NELL2: variants seen among roughly 807,000 people sequenced by gnomAD.
The protein encoded by NELL2 is neural EGFL like 2, also known as protein kinase C-binding protein NELL2.
NELL2 carries 41 observed loss-of-function variants against 109.6 expected under a neutral mutation model. The observed-to-expected ratio is 0.37, with a 90% CI of 0.29 to 0.49. The LOEUF (loss-of-function observed/expected upper bound fraction) is 0.49. Among genes scored for constraint, NELL2 ranks in the 20% least tolerant of loss-of-function variants. The pLI is 0.98. For missense variants in NELL2, 900 were observed against 1,008.3 expected, an observed-to-expected ratio of 0.89 and a Z score of 1.45; for synonymous variants, 355 against 344.7, an observed-to-expected ratio of 1.03 and a Z score of -0.33.
intron 9 of NELL2, among the ~76,000 whole-genome samples, chr12:44,764,857 A>AG (rs1445137028): frequency 6.6e-6 from 1 of 151,254 alleles, no homozygotes; most frequent in South Asian, 2.1e-4. Flanking sequence ...AGAGAGAGAG[A>AG]GAAAAAAAAA....
intron 15 of NELL2, among the ~76,000 whole-genome samples, chr12:44,553,178 G>A (rs572170340): frequency 6.7e-6 from 1 of 148,926 alleles, no homozygotes; most frequent in Non-Finnish European, 1.5e-5. Flanking sequence ...TAGATGACAC[G>A]TTAGTGGGTG....
intron 13 of NELL2, among the ~76,000 whole-genome samples, chr12:44,620,773 ATTG>A: frequency 6.6e-6 from 1 of 151,994 alleles, no homozygotes; most frequent in Non-Finnish European, 1.5e-5. Flanking sequence ...CTCTATCCCC[ATTG>A]CTCTGCAGGT....
At chr12:44,686,843 C>T (rs1232332258) in intron 12 of NELL2, among the ~76,000 whole-genome samples, 1 of 152,224 alleles carries the variant, frequency 6.6e-6, no homozygotes, top group Non-Finnish European at 1.5e-5. Context: ...ACATTTAAGT[C>T]TGCAGAGGTT....
intron 9 of NELL2, among the ~76,000 whole-genome samples, chr12:44,742,970 G>C (rs7308509): frequency 0.42 from 63,143 of 151,926 alleles, 13,757 homozygotes; most frequent in South Asian, 0.49. Context: ...GATACTTCTT[G>C]AGAAGAGCAA....
At chr12:44,562,945 A>G (rs1047785570) in intron 15 of NELL2, among the ~76,000 whole-genome samples, 3 of 152,262 alleles carry the variant, frequency 2.0e-5, no homozygotes, top group Non-Finnish European at 4.4e-5. Context: ...GACTGGATAA[A>G]GAAAATGTGG....
At chr12:44,783,173 A>T (rs565218168) in intron 3 of NELL2, among the ~76,000 whole-genome samples, 81 of 152,056 alleles carry the variant, frequency 5.3e-4, no homozygotes, top group Admixed American at 5.0e-3. Flanking sequence ...ATTTTTAAAA[A>T]TACATAAAAT....
intron 1 of NELL2, among the ~76,000 whole-genome samples, chr12:44,911,515 A>G (rs12817079): frequency 0.074 from 11,285 of 151,986 alleles, 543 homozygotes; most frequent in Admixed American, 0.12. Flanking sequence ...AAATTAAGTA[A>G]ATGCCTGTTT....
intron 15 of NELL2, among the ~76,000 whole-genome samples, chr12:44,541,042 G>A (rs567542203): frequency 6.6e-6 from 1 of 151,384 alleles, no homozygotes; most frequent in South Asian, 2.1e-4. Flanking sequence ...TCAGGAGATC[G>A]AGACCATCCT....
intron 1 of NELL2, among the ~76,000 whole-genome samples, chr12:44,908,366 G>A (rs935302955): frequency 2.0e-5 from 3 of 151,972 alleles, no homozygotes; most frequent in African/African-American, 7.2e-5. Flanking sequence ...CAGATAGTAG[G>A]TAGGTAAAGG....
intron 2 of NELL2, among the ~76,000 whole-genome samples, chr12:44,866,606 C>A (rs1945007802): frequency 6.6e-6 from 1 of 151,000 alleles, no homozygotes; most frequent in Non-Finnish European, 1.5e-5. Flanking sequence ...CAAAGTAAGA[C>A]CAAAGGAATG....
At chr12:44,893,692 A>G (rs963594355) in intron 1 of NELL2, among the ~76,000 whole-genome samples, 1 of 152,118 alleles carries the variant, frequency 6.6e-6, no homozygotes, top group Non-Finnish European at 1.5e-5. Context: ...CCCAGTACCG[A>G]AGCAAGCATG....
At chr12:44,741,474 T>C (rs146252322) in intron 9 of NELL2, among the ~76,000 whole-genome samples, 8,158 of 152,172 alleles carry the variant, frequency 0.054, 690 homozygotes, top group African/African-American at 0.18. Context: ...GTGGGTGCAG[T>C]GCACCGGGCG....
intron 2 of NELL2, among the ~76,000 whole-genome samples, chr12:44,833,316 C>T (rs1943943204): frequency 6.6e-6 from 1 of 152,142 alleles, no homozygotes; most frequent in South Asian, 2.1e-4. Flanking sequence ...AATTTGACAT[C>T]TCATATCCCA....
In NELL2 at chr12:44,670,310, C is replaced by T. The variant is rs148463008; in HGVS notation, c.1319-4701G>A. On this transcript the variant is annotated intron_variant, in intron 12 of 19. Transcript: ENST00000429094. ...TGAAAACACAAGAAAGTATAAAACT[C>T]ACTGGTAGAGCAGATATACAAATAA... Among the ~76,000 whole-genome samples, 374 of 152,010 alleles carry T rather than the reference C, an allele frequency of 2.5e-3. 1 individual carries two copies. Among genetic ancestry groups the T allele is most frequent in the African/African-American group, 8.7e-3 (359 of 41,492 alleles).
intron 3 of NELL2, among the ~76,000 whole-genome samples, chr12:44,813,105 C>T (rs1943232383): frequency 6.6e-6 from 1 of 152,120 alleles, no homozygotes; most frequent in Non-Finnish European, 1.5e-5. Flanking sequence ...AAGTACAGAA[C>T]AATTAAGTAA....
intron 3 of NELL2, among the ~76,000 whole-genome samples, chr12:44,780,365 G>A (rs183170227): frequency 6.6e-6 from 1 of 151,978 alleles, no homozygotes; most frequent in Admixed American, 6.6e-5. Context: ...ACAAAGAAAG[G>A]ATCAGTCTAG....
chr12:44,755,888 C>T lies in NELL2; in HGVS notation c.994+18859G>A, dbSNP rs142004251. Reference sequence around the variant, plus strand: ...ATGAATCAATCTACTTTTCTCATGCCTACATCTGGGTTGTAAAAGGTTAGG... The same window carrying T: ...ATGAATCAATCTACTTTTCTCATGCTTACATCTGGGTTGTAAAAGGTTAGG... On this transcript the variant is annotated intron_variant, in intron 9 of 19. Transcript: ENST00000429094. 7.0e-4 allele frequency among the ~76,000 whole-genome samples: 106 copies of T among 152,270 alleles called. 1 individual carries two copies. Among genetic ancestry groups the T allele is most frequent in the Admixed American group, 3.7e-3 (56 of 15,280 alleles).
At chr12:44,560,375 G>T (rs934009102) in intron 15 of NELL2, among the ~76,000 whole-genome samples, 1 of 151,964 alleles carries the variant, frequency 6.6e-6, no homozygotes, top group Non-Finnish European at 1.5e-5. Flanking sequence ...TTCAAAAAAT[G>T]AATGAATCCA....
intron 15 of NELL2, among the ~76,000 whole-genome samples, chr12:44,593,376 G>T (rs1211475224): frequency 6.6e-6 from 1 of 152,098 alleles, no homozygotes; most frequent in Non-Finnish European, 1.5e-5. Context: ...AGGGAGAGGA[G>T]TAACAGTAAA....
Sources: allele counts gnomAD v4.1 joint callset (sites outside exome capture counted in the v4.1 genomes callset), GRCh38; gene constraint gnomAD v4.1.1; transcripts MANE v1.5; gene names NCBI Gene and HGNC (gene_info 2026-07-23, HGNC 2026-07-21).